Variants in CTNNA3 observed in about 807,000 individuals in gnomAD.
CTNNA3 encodes the protein catenin alpha-3.
In CTNNA3, 76 loss-of-function variants were observed where a neutral mutation model predicts 95.7. That is an observed-to-expected ratio of 0.79 (90% CI 0.66 to 0.96). CTNNA3 has a LOEUF of 0.96. Among genes scored for constraint, CTNNA3 ranks in the 40% least tolerant of loss-of-function variants. The probability of loss-of-function intolerance (pLI) is 0.00; values close to 1 mark genes in which losing one functional copy is unlikely to be tolerated. For missense variants in CTNNA3, 1,191 were observed against 1,089.8 expected (o/e 1.09, Z -1.31); for synonymous variants, 431 against 374.4 (o/e 1.15, Z -1.74).
At chr10:66,811,252 T>G (rs1459361321) in intron 7 of CTNNA3, among the ~76,000 whole-genome samples, 1 of 152,178 alleles carries the variant, frequency 6.6e-6, no homozygotes. Context: ...CATAAGATTT[T>G]CAAGATGTTC....
intron 5 of CTNNA3, among the ~76,000 whole-genome samples, chr10:67,289,520 C>T (rs780578422): frequency 6.6e-5 from 10 of 152,034 alleles, no homozygotes; most frequent in Non-Finnish European, 1.5e-4. Flanking sequence ...AAAAGGGAAG[C>T]CGTTAATCAA....
intron 12 of CTNNA3, among the ~76,000 whole-genome samples, chr10:66,358,103 T>C (rs1461521406): frequency 6.6e-6 from 1 of 152,180 alleles, no homozygotes; most frequent in African/African-American, 2.4e-5. Context: ...CCCTGTTTCA[T>C]TCTTGATATT....
intron 5 of CTNNA3, among the ~76,000 whole-genome samples, chr10:67,433,492 G>C (rs922270237): frequency 1.3e-5 from 2 of 152,076 alleles, no homozygotes; most frequent in Admixed American, 6.6e-5. Flanking sequence ...TGATACACTT[G>C]CTCAATACAG....
chr10:66,115,567 TA>T lies in CTNNA3; in HGVS notation c.1885-12319del, dbSNP rs1564660521. On this transcript the variant is annotated intron_variant, in intron 13 of 17. Transcript: ENST00000433211. ...ATAGATAGATAGATAGATAGATAGATAGACAGATAGATGATAGATAGATAGA... is the reference window on the plus strand; with the variant it reads ...ATAGATAGATAGATAGATAGATAGATGACAGATAGATGATAGATAGATAGA... 3.0e-3 allele frequency among the ~76,000 whole-genome samples: 390 copies of T among 129,294 alleles called. 2 individuals are homozygous for T. The highest frequency in any genetic ancestry group is 0.013 in the South Asian group (50 of 3,882). 84.8% of individuals were successfully genotyped at this position (129,294 alleles called of 152,430 possible).
rs1841972756 is a variant in CTNNA3 at position 67,571,424 on chromosome 10, G to A, written c.293-31755C>T. Among the ~76,000 whole-genome samples, 3 of 152,208 alleles carry A rather than the reference G, an allele frequency of 2.0e-5. No homozygotes were observed. In the South Asian group the frequency reaches 6.2e-4, roughly 32 times the overall value. On this transcript the variant is annotated intron_variant, in intron 3 of 17. Transcript: ENST00000433211. ...ATTCTCTAGTACAGCCTCAAACTGT[G>A]ATCCTTGGAAAACAAGTGTTTCTAG... is the stretch of plus-strand genomic sequence containing the variant.
At chr10:66,615,810 C>A (rs1844490816) in intron 10 of CTNNA3, among the ~76,000 whole-genome samples, 1 of 151,892 alleles carries the variant, frequency 6.6e-6, no homozygotes, top group Non-Finnish European at 1.5e-5. Flanking sequence ...TCCTGATGAC[C>A]CATGTGCTTT....
intron 5 of CTNNA3, among the ~76,000 whole-genome samples, chr10:67,231,224 G>C (rs1430166196): frequency 6.6e-6 from 1 of 152,236 alleles, no homozygotes; most frequent in Admixed American, 6.5e-5. Context: ...TGGGGGCAGC[G>C]CACAGACAAA....
At chr10:67,313,671 T>C (rs1471614276) in intron 5 of CTNNA3, among the ~76,000 whole-genome samples, 1 of 152,120 alleles carries the variant, frequency 6.6e-6, no homozygotes, top group African/African-American at 2.4e-5. Context: ...AGGAGACTGC[T>C]ACAAAAGTAT....
intron 7 of CTNNA3, among the ~76,000 whole-genome samples, chr10:66,948,100 C>A (rs557788394): frequency 6.6e-6 from 1 of 152,296 alleles, no homozygotes; most frequent in Admixed American, 6.5e-5. Flanking sequence ...AATATCATAA[C>A]TTGTGGGATC....
intron 12 of CTNNA3, among the ~76,000 whole-genome samples, chr10:66,334,165 G>A (rs2092367135): frequency 6.6e-6 from 1 of 151,888 alleles, no homozygotes; most frequent in Non-Finnish European, 1.5e-5. Flanking sequence ...CACACTGATG[G>A]GTCTTGAGTC....
At chr10:66,281,879 T>A (rs6480157) in intron 12 of CTNNA3, among the ~76,000 whole-genome samples, 4 of 151,534 alleles carry the variant, frequency 2.6e-5, no homozygotes, top group African/African-American at 9.7e-5. Flanking sequence ...AGCCACCATA[T>A]CTGCTGACAT....
In CTNNA3 at chr10:67,478,956, C is replaced by T. The variant is rs193132944; in HGVS notation, c.579+42886G>A. On this transcript the variant is annotated intron_variant, in intron 5 of 17. Coordinates refer to ENST00000433211, the MANE Select transcript of CTNNA3 (RefSeq NM_013266.4). Reference sequence around the variant, plus strand: ...ATGTAAACAGAAAACAAAAAAACGGCGGGAGTTGGTATTCTTTTATCAGAT... The same window carrying T: ...ATGTAAACAGAAAACAAAAAAACGGTGGGAGTTGGTATTCTTTTATCAGAT... Among the ~76,000 whole-genome samples, 559 of 151,640 alleles carry T rather than the reference C, an allele frequency of 3.7e-3. 8 individuals carry two copies. Among genetic ancestry groups the T allele is most frequent in the African/African-American group, 0.013 (531 of 41,378 alleles).
At chr10:66,424,859 C>T (rs1489548837) in intron 11 of CTNNA3, among the ~76,000 whole-genome samples, 1 of 151,954 alleles carries the variant, frequency 6.6e-6, no homozygotes, top group African/African-American at 2.4e-5. Context: ...TAGCATTGTA[C>T]TCAAATATTC....
At chr10:66,086,827 G>A (rs922499814) in intron 14 of CTNNA3, among the ~76,000 whole-genome samples, 9 of 152,048 alleles carry the variant, frequency 5.9e-5, no homozygotes, top group Non-Finnish European at 1.2e-4. Flanking sequence ...TGAGAGGTGT[G>A]CGCTACTGGT....
intron 13 of CTNNA3, among the ~76,000 whole-genome samples, chr10:66,131,042 T>C (rs2083070303): frequency 1.4e-5 from 2 of 147,004 alleles, no homozygotes; most frequent in South Asian, 2.1e-4. Context: ...AGCTCTATAA[T>C]TGAATCAGTA....
chr10:66,654,203 A>G (rs1283363388), intron 9 of CTNNA3, among the ~76,000 whole-genome samples: 1 of 152,076 alleles, frequency 6.6e-6, no homozygotes, highest in African/African-American at 2.4e-5. Context: ...TGTAAACCAT[A>G]TATCTGATAA....
intron 5 of CTNNA3, among the ~76,000 whole-genome samples, chr10:67,431,843 C>T (rs190417919): frequency 6.6e-6 from 1 of 152,044 alleles, no homozygotes. Flanking sequence ...GAAGCACTAT[C>T]TCATAGGGAC....
At chr10:66,358,446 C>A (rs1433220297) in intron 12 of CTNNA3, among the ~76,000 whole-genome samples, 1 of 152,106 alleles carries the variant, frequency 6.6e-6, no homozygotes, top group African/African-American at 2.4e-5. Context: ...ACAGAGTCCT[C>A]CAAGATTTGC....
chr10:67,151,970 A>G (rs1861106987), intron 7 of CTNNA3, among the ~76,000 whole-genome samples: 1 of 152,190 alleles, frequency 6.6e-6, no homozygotes, highest in African/African-American at 2.4e-5. Flanking sequence ...TCCCCAAAAG[A>G]AAGTCTGAAG....
Sources: allele counts gnomAD v4.1 joint callset (sites outside exome capture counted in the v4.1 genomes callset), GRCh38; gene constraint gnomAD v4.1.1; transcripts MANE v1.5; gene names NCBI Gene and HGNC (gene_info 2026-07-23, HGNC 2026-07-21).